C9orf78: variants seen among roughly 807,000 people sequenced by gnomAD.
C9orf78 encodes the protein chromosome 9 open reading frame 78.
A neutral mutation model predicts 37.4 loss-of-function variants in C9orf78; 19 were observed. The observed-to-expected ratio is 0.51, with a 90% CI of 0.35 to 0.74. The LOEUF is 0.74. C9orf78 is among the 30% of genes least tolerant of loss of function. The pLI is 0.01. For synonymous variants in C9orf78, 130 were observed against 128.0 expected (o/e 1.02, Z -0.10); for missense variants, 291 against 370.8 (o/e 0.78, Z 1.77).
intron 6 of C9orf78, 68 bp downstream of exon 6, chr9:129,830,803 C>T: frequency 1.8e-6 from 2 of 1,123,126 alleles, no homozygotes; most frequent in Non-Finnish European, 2.7e-6. Flanking sequence ...AGCCACCGTG[C>T]CTGGCCTGTC....
In C9orf78 at chr9:129,829,510, C is replaced by A. The variant is rs771602097; in HGVS notation, c.574G>T (p.Asp192Tyr). 1 of 1,613,854 alleles carries A rather than the reference C, an allele frequency of 6.2e-7. No homozygotes were observed. The highest frequency in any genetic ancestry group is 8.5e-7 in the Non-Finnish European group (1 of 1,179,932). Reference protein sequence around the residue: ...AKIKNIISTEDAKARLLAEQQ... With the variant: ...AKIKNIISTEYAKARLLAEQQ... ...TCTGCCAGCAGACGGGCCTTGGCAT[C>A]CTCCGTGGAAATGATATTTTTTATT... Residue 192 changes from aspartate (D) to tyrosine (Y), a missense_variant, in exon 7 of 9, where the codon GAT becomes TAT. Coordinates refer to ENST00000372447, the MANE Select transcript of C9orf78 (RefSeq NM_016520.3).
intron 2 of C9orf78, 23 bp downstream of exon 2, chr9:129,834,684 C>T (rs775756516): frequency 1.3e-6 from 2 of 1,587,592 alleles, no homozygotes; most frequent in South Asian, 1.1e-5. Flanking sequence ...GCCGCCTCCT[C>T]CTCCTCCCCG....
intron 4 of C9orf78, among the ~76,000 whole-genome samples, chr9:129,833,064 C>CCT (rs2031549246): frequency 1.0e-5 from 1 of 99,498 alleles, no homozygotes; most frequent in Admixed American, 1.1e-4. Context: ...TATGTGTGTA[C>CCT]ATATGTGTGT....
rs549321122 is a variant in C9orf78 at position 129,831,182 on chromosome 9, C to T, written c.345-114G>A. ...AGACCAGTGACAGTCCATGGAGAAA[C>T]GAGAAAAAAAATAACTTGAGTTTTT... is the stretch of plus-strand genomic sequence containing the variant. On this transcript the variant is annotated intron_variant, in intron 5 of 8. Coordinates refer to ENST00000372447, the MANE Select transcript of C9orf78 (RefSeq NM_016520.3). 143 of 707,706 alleles carry T rather than the reference C, an allele frequency of 2.0e-4. 3 individuals carry two copies. The highest frequency in any genetic ancestry group is 1.9e-3 in the South Asian group (121 of 63,722). 43.8% of individuals were successfully genotyped at this position (707,706 alleles called of 1,614,324 possible). A position where few individuals can be genotyped will look rare whatever the true frequency, so the allele number is the denominator to read the frequency against.
At position 129,834,750 on chromosome 9, in the gene C9orf78, T is replaced by G; in HGVS notation, c.100A>C (p.Thr34Pro). Reference protein sequence around the residue: ...SEEVRLKLEETREVQNLRKRP... With the variant: ...SEEVRLKLEEPREVQNLRKRP... The stretch of plus-strand genomic sequence containing the variant: ...TTCCTCAAGTTCTGTACCTCTCTGG[T>G]CTCTTCCAGTTTTAATCTTTAAAAA... The change falls in exon 2 of 9, where the codon ACC (threonine) becomes CCC (proline). Residue 34 changes from threonine (T) to proline (P), a missense_variant. This residue lies in a region of C9orf78 where 158 missense variants were observed against 174.8 expected (regional missense o/e 0.90). Transcript: ENST00000372447. 2.5e-6 allele frequency: 4 copies of G among 1,610,700 alleles called. No homozygotes were observed. Among genetic ancestry groups the G allele is most frequent in the Non-Finnish European group, 3.4e-6 (4 of 1,177,370 alleles).
Position 129,828,074 on chromosome 9 carries a change from G to GT in C9orf78, c.*86_*87insA. 1.4e-6 allele frequency: 1 copy of GT among 736,652 alleles called. No individual in the cohort carries two copies. Among genetic ancestry groups the GT allele is most frequent in the African/African-American group, 1.8e-5 (1 of 56,866 alleles). The allele number at this position is 736,652 out of a possible 1,614,324, so 45.6% of individuals were successfully genotyped here. On this transcript the variant is annotated 3_prime_UTR_variant, in exon 9 of 9. Coordinates refer to ENST00000372447, the MANE Select transcript of C9orf78 (RefSeq NM_016520.3). The stretch of plus-strand genomic sequence containing the variant: ...TCCCAAAGTGCTGGGATTACAGGCA[G>GT]GAGCCACCACGCCCGGCCAGGAAGC...
chr9:129,828,328 G>A, intron 8 of C9orf78, 76 bp from the exon 9 acceptor site: 1 of 859,672 alleles, frequency 1.2e-6, no homozygotes, highest in South Asian at 1.3e-5. Context: ...TGCAGGCAAA[G>A]ACAACTGCCT....
chr9:129,829,591 A>G, intron 6 of C9orf78, 50 bp from the exon 7 acceptor site: 1 of 1,565,364 alleles, frequency 6.4e-7, no homozygotes, highest in Non-Finnish European at 8.7e-7. Context: ...GCACCTTACT[A>G]CTCAGACATG....
At chr9:129,833,375 A>G (rs2031560886) in intron 4 of C9orf78, 72 bp downstream of exon 4, 1 of 839,732 alleles carries the variant, frequency 1.2e-6, no homozygotes, top group Non-Finnish European at 2.1e-6. Flanking sequence ...TACAGGCCCC[A>G]GCTCTCTGAG....
chr9:129,828,977 G>A (rs2031416062), intron 8 of C9orf78: 2 of 622,544 alleles, frequency 3.2e-6, no homozygotes, highest in African/African-American at 1.8e-5. Flanking sequence ...ATATGAGAGA[G>A]TATGAATTCT....
intron 2 of C9orf78, chr9:129,833,973 G>A: frequency 4.5e-6 from 2 of 443,668 alleles, no homozygotes; most frequent in South Asian, 7.0e-5. Context: ...ATCTTGGCCT[G>A]GAAATCTCAT....
At chr9:129,828,967 A>G (rs1314095851) in intron 8 of C9orf78, 3 of 608,760 alleles carry the variant, frequency 4.9e-6, no homozygotes, top group Non-Finnish European at 8.9e-6. Flanking sequence ...GTGCGTGAGA[A>G]TATGAGAGAG....
intron 4 of C9orf78, 24 bp downstream of exon 4, chr9:129,833,423 C>A: frequency 6.9e-7 from 1 of 1,450,252 alleles, no homozygotes; most frequent in Non-Finnish European, 9.7e-7. Context: ...GGTGAATTTG[C>A]ATCTAAGCTT....
At chr9:129,830,682 T>C (rs2031470458) in intron 6 of C9orf78, 189 bp downstream of exon 6, 1 of 548,882 alleles carries the variant, frequency 1.8e-6, no homozygotes, top group Non-Finnish European at 3.3e-6. Flanking sequence ...CAGCTAATTT[T>C]TGTATTTTTA....
At position 129,833,667 on chromosome 9, in the gene C9orf78, G is replaced by C. The variant is rs1477876115; in HGVS notation, c.186C>G (p.Thr62=). ...LLVGEKVQEE[T]TLVDDPFQMK... Reference sequence around the variant, plus strand: ...AGACCCCATAACTTACCACTAGAGTGGTCTCCTCTTGTACCTTCTCTCCCA... The same window carrying C: ...AGACCCCATAACTTACCACTAGAGTCGTCTCCTCTTGTACCTTCTCTCCCA... The change falls in exon 3 of 9, where the codon ACC becomes ACG. Residue 62 remains threonine, a synonymous_variant. Coordinates refer to ENST00000372447, the MANE Select transcript of C9orf78 (RefSeq NM_016520.3). 2 of 1,608,896 alleles carry C rather than the reference G, an allele frequency of 1.2e-6. No homozygotes were observed. Among genetic ancestry groups the C allele is most frequent in the Non-Finnish European group, 1.7e-6 (2 of 1,175,690 alleles).
chr9:129,828,411 CT>C (rs58939598), intron 8 of C9orf78, 159 bp from the exon 9 acceptor site: 9,199 of 392,264 alleles, frequency 0.023, 597 homozygotes, highest in African/African-American at 0.16. Flanking sequence ...ACGTATTTGT[CT>C]TTTTTTTTTT....
intron 4 of C9orf78, among the ~76,000 whole-genome samples, chr9:129,832,997 A>ATGTG (rs759388385): frequency 2.0e-3 from 215 of 108,208 alleles, no homozygotes; most frequent in African/African-American, 5.2e-3. Flanking sequence ...ATATATATAT[A>ATGTG]TGTGTGTGTG....
intron 4 of C9orf78, among the ~76,000 whole-genome samples, chr9:129,833,103 T>C (rs2031553082): frequency 1.2e-5 from 1 of 83,184 alleles, no homozygotes; most frequent in Admixed American, 1.2e-4. Context: ...ACATACACAC[T>C]TTTTTTTTTT....
chr9:129,829,607 T>C, intron 6 of C9orf78, 66 bp from the exon 7 acceptor site: 5 of 1,462,376 alleles, frequency 3.4e-6, no homozygotes, highest in Non-Finnish European at 3.8e-6. Context: ...ACATGAGTGG[T>C]GAGGCTGGCA....
Sources: gnomAD v4.1 joint callset for allele counts (sites outside exome capture counted in the v4.1 genomes callset) on GRCh38, gnomAD v4.1.1 for gene constraint, gnomAD v4.1.1 regional missense constraint, MANE v1.5 for transcripts, NCBI Gene and HGNC (gene_info 2026-07-23, HGNC 2026-07-21) for gene names.